GPR176: variants seen among roughly 807,000 people sequenced by gnomAD.
GPR176 encodes G-protein coupled receptor 176.
In GPR176, 26 loss-of-function variants were observed where a neutral mutation model predicts 35.4. That is an observed-to-expected ratio of 0.74 (90% confidence interval 0.54 to 1.02). The LOEUF (loss-of-function observed/expected upper bound fraction) is 1.02. Among genes scored for constraint, GPR176 ranks in the 50% least tolerant of loss-of-function variants. The pLI is 0.00. For missense variants in GPR176, 597 were observed against 665.3 expected (o/e 0.90, Z 1.13); for synonymous variants, 278 against 271.3 (o/e 1.02, Z -0.24).
intron 1 of GPR176, among the ~76,000 whole-genome samples, chr15:39,825,847 C>T (rs1252058126): frequency 6.6e-6 from 1 of 152,150 alleles, no homozygotes; most frequent in Non-Finnish European, 1.5e-5. Context: ...GCCCAGTACC[C>T]AGTGCTTCAT....
Position 39,837,715 on chromosome 15 carries a change from AC to A in GPR176, c.173-30458del, listed in dbSNP as rs201976046. Among the ~76,000 whole-genome samples, 899 of 152,136 alleles carry A rather than the reference AC, an allele frequency of 5.9e-3. 17 individuals are homozygous for A. The highest frequency in any genetic ancestry group is 0.021 in the African/African-American group (861 of 41,496). ...ATTAACTCATTTAATCTCAACTACA[AC>A]CTTATGAGGTAAGGCCCTCATAAGA... On this transcript the variant is annotated intron_variant, in intron 1 of 2. Coordinates refer to ENST00000561100, the MANE Select transcript of GPR176 (RefSeq NM_007223.3).
chr15:39,845,577 C>T (rs934082622), intron 1 of GPR176, among the ~76,000 whole-genome samples: 5 of 151,836 alleles, frequency 3.3e-5, no homozygotes, highest in African/African-American at 1.2e-4. Context: ...TTAATTTAGT[C>T]TGGGGTAAAA....
chr15:39,899,926 A>G (rs1220471722), intron 1 of GPR176, among the ~76,000 whole-genome samples: 3 of 152,168 alleles, frequency 2.0e-5, no homozygotes, highest in African/African-American at 7.2e-5. Flanking sequence ...CAGGTCTCCA[A>G]TGGCAAGATT....
At chr15:39,911,233 C>G (rs2033569213) in intron 1 of GPR176, among the ~76,000 whole-genome samples, 1 of 151,972 alleles carries the variant, frequency 6.6e-6, no homozygotes, top group Admixed American at 6.5e-5. Context: ...GCCCCTAACT[C>G]TGTAATTTTG....
At chr15:39,860,428 T>C (rs1014344904) in intron 1 of GPR176, among the ~76,000 whole-genome samples, 1 of 152,244 alleles carries the variant, frequency 6.6e-6, no homozygotes, top group Non-Finnish European at 1.5e-5. Context: ...CAAGGCTGAC[T>C]GCTTTCAGTT....
intron 1 of GPR176, among the ~76,000 whole-genome samples, chr15:39,902,083 C>T (rs762446588): frequency 2.0e-5 from 3 of 152,034 alleles, no homozygotes; most frequent in Non-Finnish European, 4.4e-5. Flanking sequence ...GACTCTGTCT[C>T]AAAGAAAACG....
intron 1 of GPR176, among the ~76,000 whole-genome samples, chr15:39,836,340 G>T (rs1327334043): frequency 6.6e-6 from 1 of 152,080 alleles, no homozygotes; most frequent in African/African-American, 2.4e-5. Context: ...ACCTTCCCCT[G>T]AGTTCATATG....
intron 1 of GPR176, among the ~76,000 whole-genome samples, chr15:39,859,806 G>A (rs1317868326): frequency 6.6e-6 from 1 of 152,120 alleles, no homozygotes; most frequent in Non-Finnish European, 1.5e-5. Context: ...ACGGCGGCTG[G>A]GGTGAGGGAG....
At chr15:39,878,587 G>A (rs2032352106) in intron 1 of GPR176, among the ~76,000 whole-genome samples, 1 of 152,012 alleles carries the variant, frequency 6.6e-6, no homozygotes, top group Non-Finnish European at 1.5e-5. Context: ...ATGAACATAG[G>A]AATGCAGTTA....
chr15:39,899,951 C>T (rs2033226819), intron 1 of GPR176, among the ~76,000 whole-genome samples: 1 of 152,060 alleles, frequency 6.6e-6, no homozygotes, highest in African/African-American at 2.4e-5. Context: ...ACCTTCTCTT[C>T]CTGACCGTTA....
At chr15:39,916,132 G>C (rs140848978) in intron 1 of GPR176, among the ~76,000 whole-genome samples, 185 of 152,298 alleles carry the variant, frequency 1.2e-3, no homozygotes, top group African/African-American at 4.2e-3. Flanking sequence ...CTTAGACTGT[G>C]AATCTAAGGA....
chr15:39,809,810 T>C (rs1026990870), intron 1 of GPR176, among the ~76,000 whole-genome samples: 2 of 152,168 alleles, frequency 1.3e-5, no homozygotes, highest in Admixed American at 6.5e-5. Flanking sequence ...GCTGTAACTA[T>C]GTCATTCCTC....
intron 1 of GPR176, among the ~76,000 whole-genome samples, chr15:39,821,607 TTTAAA>T (rs1014404824): frequency 2.0e-5 from 3 of 152,174 alleles, no homozygotes; most frequent in African/African-American, 7.2e-5. Flanking sequence ...GCTGCAACTC[TTTAAA>T]TTATTTTTCC....
chr15:39,829,841 A>G (rs529467138), intron 1 of GPR176, among the ~76,000 whole-genome samples: 7 of 152,268 alleles, frequency 4.6e-5, no homozygotes, highest in Admixed American at 3.9e-4. Context: ...AAGTTGTTCT[A>G]CTACCTAAAG....
At chr15:39,815,718 C>T (rs935194963) in intron 1 of GPR176, among the ~76,000 whole-genome samples, 1 of 152,120 alleles carries the variant, frequency 6.6e-6, no homozygotes, top group Non-Finnish European at 1.5e-5. Flanking sequence ...ATTAATACAG[C>T]CATTATGACA....
chr15:39,877,930 C>T (rs555793226), intron 1 of GPR176, among the ~76,000 whole-genome samples: 1 of 152,204 alleles, frequency 6.6e-6, no homozygotes, highest in South Asian at 2.1e-4. Flanking sequence ...AATGACACAG[C>T]CGCATTTTCC....
At chr15:39,877,129 TA>T (rs1190797230) in intron 1 of GPR176, among the ~76,000 whole-genome samples, 2 of 152,130 alleles carry the variant, frequency 1.3e-5, no homozygotes, top group African/African-American at 2.4e-5. Flanking sequence ...CTGAAACACC[TA>T]AAAAAATCCA....
intron 1 of GPR176, among the ~76,000 whole-genome samples, chr15:39,825,567 T>C (rs1473217633): frequency 6.6e-6 from 1 of 152,194 alleles, no homozygotes; most frequent in African/African-American, 2.4e-5. Flanking sequence ...ACAGTGTGAA[T>C]ATATTACAAT....
chr15:39,869,656 T>G (rs974407069), intron 1 of GPR176, among the ~76,000 whole-genome samples: 9 of 152,208 alleles, frequency 5.9e-5, no homozygotes, highest in African/African-American at 2.2e-4. Flanking sequence ...TTTCTCTCAA[T>G]TATTTATTAT....
Sources: allele counts gnomAD v4.1 joint callset (sites outside exome capture counted in the v4.1 genomes callset), GRCh38; gene constraint gnomAD v4.1.1; transcripts MANE v1.5; gene names NCBI Gene and HGNC (gene_info 2026-07-23, HGNC 2026-07-21).